RCOR1: variants seen among roughly 807,000 people sequenced by gnomAD.
The protein encoded by RCOR1 is REST corepressor.
A neutral mutation model predicts 64.0 loss-of-function variants in RCOR1; 12 were observed. The observed-to-expected ratio is 0.19, with a 90% CI of 0.12 to 0.30. The LOEUF is 0.30. Among genes scored for constraint, RCOR1 ranks in the 10% least tolerant of loss-of-function variants. RCOR1 has a pLI of 1.00. For synonymous variants in RCOR1, 279 were observed against 227.2 expected (o/e 1.23, Z -2.05); for missense variants, 502 against 621.2 (o/e 0.81, Z 2.04).
At chr14:102,709,590 A>C (rs969085558) in intron 6 of RCOR1, among the ~76,000 whole-genome samples, 10 of 152,204 alleles carry the variant, frequency 6.6e-5, no homozygotes, top group African/African-American at 2.4e-4. Context: ...TCTTGGCCCA[A>C]GTATAAATTG....
chr14:102,722,454 T>C (rs1896184026), intron 11 of RCOR1, 38 bp downstream of exon 11: 1 of 1,528,724 alleles, frequency 6.5e-7, no homozygotes, highest in African/African-American at 1.4e-5. Context: ...TCTTGTCAGG[T>C]TCACGCTTGA....
At chr14:102,619,489 TTTTTTTTTG>T (rs1471312112) in intron 2 of RCOR1, among the ~76,000 whole-genome samples, 2 of 81,152 alleles carry the variant, frequency 2.5e-5, no homozygotes, top group African/African-American at 7.9e-5. Flanking sequence ...TTTTTTTTTT[TTTTTTTTTG>T]GAGTCAGGTT....
intron 4 of RCOR1, among the ~76,000 whole-genome samples, chr14:102,706,114 C>CAAAAAAAAAAAAAAAA (rs71119732): frequency 4.7e-4 from 10 of 21,334 alleles, no homozygotes; most frequent in African/African-American, 1.5e-3. Context: ...AACCCTGTCT[C>CAAAAAAAAAAAAAAAA]AAAAAAAAAA....
chr14:102,704,401 A>T (rs1895808049), intron 4 of RCOR1, among the ~76,000 whole-genome samples: 1 of 152,234 alleles, frequency 6.6e-6, no homozygotes, highest in South Asian at 2.1e-4. Context: ...TTGTATGTAT[A>T]AATAATACAA....
chr14:102,612,344 C>G (rs574869752), intron 2 of RCOR1, among the ~76,000 whole-genome samples: 2 of 151,988 alleles, frequency 1.3e-5, no homozygotes, highest in East Asian at 2.0e-4. Flanking sequence ...GCTGGGATTA[C>G]AGGTGCGCGC....
chr14:102,614,856 G>C (rs1236265879), intron 2 of RCOR1, among the ~76,000 whole-genome samples: 1 of 150,848 alleles, frequency 6.6e-6, no homozygotes, highest in African/African-American at 2.4e-5. Context: ...TTTTGAGACG[G>C]AGTCTCGCTC....
At chr14:102,640,124 C>T (rs1381826991) in intron 2 of RCOR1, among the ~76,000 whole-genome samples, 1 of 152,152 alleles carries the variant, frequency 6.6e-6, no homozygotes, top group Non-Finnish European at 1.5e-5. Flanking sequence ...GGATGACAGG[C>T]GTGAGCCGCC....
intron 2 of RCOR1, among the ~76,000 whole-genome samples, chr14:102,663,298 G>T (rs1399175586): frequency 6.6e-6 from 1 of 152,200 alleles, no homozygotes; most frequent in Non-Finnish European, 1.5e-5. Context: ...TCTCTGGTAT[G>T]TCTTTATCAG....
intron 2 of RCOR1, among the ~76,000 whole-genome samples, chr14:102,649,044 A>G (rs2139927634): frequency 6.7e-6 from 1 of 149,214 alleles, no homozygotes; most frequent in East Asian, 2.0e-4. Context: ...ACATATACAG[A>G]AAACCAAACA....
intron 3 of RCOR1, among the ~76,000 whole-genome samples, chr14:102,692,440 A>AACACACACACACACACACACACAC (rs10622844): frequency 6.8e-6 from 1 of 146,244 alleles, no homozygotes; most frequent in Non-Finnish European, 1.5e-5. Context: ...GGAAAAAGTT[A>AACACACACACACACACACACACAC]ACACACACAC....
chr14:102,677,693 C>A (rs1180402553), intron 2 of RCOR1, among the ~76,000 whole-genome samples: 5 of 139,074 alleles, frequency 3.6e-5, no homozygotes, highest in African/African-American at 1.4e-4. Context: ...GGCGGCCGGG[C>A]AGAGACGCTC....
chr14:102,646,830 C>T (rs528968274), intron 2 of RCOR1, among the ~76,000 whole-genome samples: 17 of 152,278 alleles, frequency 1.1e-4, no homozygotes, highest in East Asian at 5.8e-4. Flanking sequence ...TGTGCACACA[C>T]GTGCGCTCAC....
chr14:102,633,371 T>C (rs569361003), intron 2 of RCOR1, among the ~76,000 whole-genome samples: 1 of 152,218 alleles, frequency 6.6e-6, no homozygotes, highest in South Asian at 2.1e-4. Flanking sequence ...AATTTTTATA[T>C]AGAGATGGGG....
intron 2 of RCOR1, among the ~76,000 whole-genome samples, 157 bp from the exon 3 acceptor site, chr14:102,681,738 C>T (rs1012550456): frequency 2.0e-5 from 3 of 152,238 alleles, no homozygotes; most frequent in African/African-American, 7.2e-5. Context: ...CAGACTCTCG[C>T]CTCCCCCATC....
At chr14:102,606,913 A>T (rs1390249910) in intron 2 of RCOR1, among the ~76,000 whole-genome samples, 1 of 134,276 alleles carries the variant, frequency 7.4e-6, no homozygotes, top group African/African-American at 2.8e-5. Context: ...TGTTTTTTTG[A>T]TTTTTTTGGG....
At chr14:102,659,333 T>G in intron 2 of RCOR1, 1 of 913,324 alleles carries the variant, frequency 1.1e-6, no homozygotes, top group Non-Finnish European at 1.3e-6. Context: ...ACCAGAATCA[T>G]TAAGGCTCAT....
intron 11 of RCOR1, among the ~76,000 whole-genome samples, chr14:102,722,776 G>A (rs1413250259): frequency 1.3e-5 from 2 of 152,242 alleles, no homozygotes; most frequent in Non-Finnish European, 2.9e-5. Flanking sequence ...GTCTGTGAGG[G>A]ATGTCGATGA....
At chr14:102,698,921 C>A (rs1415555142) in intron 3 of RCOR1, among the ~76,000 whole-genome samples, 1 of 147,542 alleles carries the variant, frequency 6.8e-6, no homozygotes, top group Non-Finnish European at 1.5e-5. Flanking sequence ...ATTCCCTGCC[C>A]TGCCTTTTTT....
intron 2 of RCOR1, among the ~76,000 whole-genome samples, chr14:102,650,289 A>T (rs754979595): frequency 6.7e-6 from 1 of 149,768 alleles, no homozygotes; most frequent in Non-Finnish European, 1.5e-5. Context: ...TGGGAGAATC[A>T]CTTGAGGTCA....
Sources: gnomAD v4.1 joint callset for allele counts (sites outside exome capture counted in the v4.1 genomes callset) on GRCh38, gnomAD v4.1.1 for gene constraint, MANE v1.5 for transcripts, NCBI Gene and HGNC (gene_info 2026-07-23, HGNC 2026-07-21) for gene names.